Variants in ADAMTSL1 observed in about 807,000 individuals in gnomAD.
The protein encoded by ADAMTSL1 is ADAMTS-like protein 1.
Under a neutral mutation model 201.8 loss-of-function variants are expected in ADAMTSL1, and 126 were observed. The ratio of observed to expected loss-of-function variants is 0.62; its 90% CI spans 0.54 to 0.72. The LOEUF (loss-of-function observed/expected upper bound fraction) is 0.72, where lower values mean the gene tolerates loss of function less well. ADAMTSL1 is among the 30% of genes least tolerant of loss of function. The probability of loss-of-function intolerance (pLI) is 0.00; values close to 1 mark genes in which losing one functional copy is unlikely to be tolerated. For missense variants in ADAMTSL1, 2,679 were observed against 2,277.8 expected, an observed-to-expected ratio of 1.18 and a Z score of -3.59; for synonymous variants, 1,121 against 903.4, an observed-to-expected ratio of 1.24 and a Z score of -4.32.
At chr9:18,647,480 G>C (rs921646239) in intron 7 of ADAMTSL1, among the ~76,000 whole-genome samples, 1 of 151,950 alleles carries the variant, frequency 6.6e-6, no homozygotes, top group Admixed American at 6.6e-5. Flanking sequence ...TGTGATATTA[G>C]GGTGTCAATT....
intron 1 of ADAMTSL1, among the ~76,000 whole-genome samples, chr9:17,925,849 G>A (rs1826503986): frequency 1.0e-5 from 1 of 96,922 alleles, no homozygotes; most frequent in South Asian, 3.4e-4. Flanking sequence ...AAAACTTAAA[G>A]TATAATTAAA....
intron 2 of ADAMTSL1, among the ~76,000 whole-genome samples, chr9:18,431,838 T>G (rs1259055412): frequency 6.6e-6 from 1 of 152,182 alleles, no homozygotes; most frequent in Non-Finnish European, 1.5e-5. Context: ...ATGGTACTCA[T>G]ATGACCTGAC....
intron 19 of ADAMTSL1, among the ~76,000 whole-genome samples, chr9:18,789,372 A>G (rs1821893957): frequency 2.0e-5 from 3 of 152,188 alleles, no homozygotes; most frequent in African/African-American, 7.2e-5. Context: ...GAAGTTAAGT[A>G]AATTACTTGC....
intron 3 of ADAMTSL1, among the ~76,000 whole-genome samples, chr9:18,539,316 A>G (rs1819986507): frequency 6.6e-6 from 1 of 152,206 alleles, no homozygotes; most frequent in Admixed American, 6.6e-5. Context: ...AGGAGAAAAG[A>G]CAAATACACA....
chr9:18,400,474 T>TA (rs1166852833), intron 2 of ADAMTSL1, among the ~76,000 whole-genome samples: 1 of 152,242 alleles, frequency 6.6e-6, no homozygotes, highest in Non-Finnish European at 1.5e-5. Context: ...TCGTTCATAA[T>TA]ACGCTCTAAC....
intron 2 of ADAMTSL1, among the ~76,000 whole-genome samples, chr9:18,282,652 C>T (rs1832834879): frequency 6.6e-6 from 1 of 152,188 alleles, no homozygotes; most frequent in South Asian, 2.1e-4. Context: ...AATCCTAGCA[C>T]TTTGGGAGAC....
chr9:18,819,529 C>G (rs1309408598), intron 21 of ADAMTSL1, among the ~76,000 whole-genome samples: 1 of 151,548 alleles, frequency 6.6e-6, no homozygotes. Flanking sequence ...ATTGAGAGGA[C>G]CAGAATCTGG....
intron 1 of ADAMTSL1, among the ~76,000 whole-genome samples, chr9:18,147,951 A>G (rs368389636): frequency 2.0e-5 from 3 of 152,084 alleles, no homozygotes; most frequent in East Asian, 3.9e-4. Flanking sequence ...ACCTGCCATT[A>G]TCTCTTCTAC....
At chr9:18,132,569 G>A (rs1314129474) in intron 1 of ADAMTSL1, among the ~76,000 whole-genome samples, 2 of 152,178 alleles carry the variant, frequency 1.3e-5, no homozygotes, top group Admixed American at 1.3e-4. Flanking sequence ...GGGTTCAACT[G>A]TGTACTCACC....
intron 2 of ADAMTSL1, among the ~76,000 whole-genome samples, chr9:18,405,540 G>A (rs1818155125): frequency 2.0e-5 from 3 of 151,676 alleles, no homozygotes; most frequent in Non-Finnish European, 2.9e-5. Flanking sequence ...AGCAGTTGAC[G>A]TGAGAGGAGG....
chr9:18,370,969 A>G (rs1273478387), intron 2 of ADAMTSL1, among the ~76,000 whole-genome samples: 2 of 152,266 alleles, frequency 1.3e-5, no homozygotes, highest in South Asian at 2.1e-4. Context: ...TTGTTACAAG[A>G]CGCTGCCTTG....
intron 2 of ADAMTSL1, among the ~76,000 whole-genome samples, chr9:18,512,254 C>T (rs186847174): frequency 3.3e-5 from 5 of 152,206 alleles, no homozygotes; most frequent in Admixed American, 3.3e-4. Context: ...GTTCCAAGAT[C>T]TGATCTCCTT....
At chr9:18,649,723 G>A (rs1828082196) in intron 7 of ADAMTSL1, among the ~76,000 whole-genome samples, 1 of 152,138 alleles carries the variant, frequency 6.6e-6, no homozygotes, top group Non-Finnish European at 1.5e-5. Flanking sequence ...AACCTCAAAT[G>A]CTGCTGTCTG....
chr9:17,989,120 T>G (rs1435597350), intron 1 of ADAMTSL1, among the ~76,000 whole-genome samples: 1 of 151,986 alleles, frequency 6.6e-6, no homozygotes, highest in African/African-American at 2.4e-5. Flanking sequence ...ATTTTCTTTA[T>G]TTAAAAAACA....
intron 26 of ADAMTSL1, among the ~76,000 whole-genome samples, chr9:18,899,571 G>A (rs868013899): frequency 6.6e-6 from 1 of 152,060 alleles, no homozygotes. Context: ...AAAATAGGAG[G>A]GTACCGGTAT....
chr9:18,434,995 A>C (rs1819662055), intron 2 of ADAMTSL1, among the ~76,000 whole-genome samples: 1 of 152,214 alleles, frequency 6.6e-6, no homozygotes, highest in African/African-American at 2.4e-5. Flanking sequence ...CACCTGGTGC[A>C]ACATCTGGGT....
At chr9:18,876,443 G>T (rs1040094741) in intron 23 of ADAMTSL1, among the ~76,000 whole-genome samples, 2 of 151,958 alleles carry the variant, frequency 1.3e-5, no homozygotes, top group Admixed American at 1.3e-4. Context: ...TTGCAGTGCC[G>T]ACTTGGTAGT....
At chr9:18,677,638 T>C (rs1448160490) in intron 10 of ADAMTSL1, among the ~76,000 whole-genome samples, 1 of 152,046 alleles carries the variant, frequency 6.6e-6, no homozygotes, top group African/African-American at 2.4e-5. Flanking sequence ...TTCTCTGGCA[T>C]AACTAATGCC....
At chr9:18,043,716 T>C (rs1488767208) in intron 1 of ADAMTSL1, among the ~76,000 whole-genome samples, 1 of 152,142 alleles carries the variant, frequency 6.6e-6, no homozygotes, top group Non-Finnish European at 1.5e-5. Flanking sequence ...AATTTATTAA[T>C]GCTATATGAG....
Sources: gnomAD v4.1 joint callset for allele counts (sites outside exome capture counted in the v4.1 genomes callset) on GRCh38, gnomAD v4.1.1 for gene constraint, MANE v1.5 for transcripts, NCBI Gene and HGNC (gene_info 2026-07-23, HGNC 2026-07-21) for gene names.